EPHA6: variants seen among roughly 807,000 people sequenced by gnomAD.
The protein encoded by EPHA6 is ephrin type-A receptor 6.
EPHA6 carries 50 observed loss-of-function variants against 112.0 expected under a neutral mutation model. The observed-to-expected ratio is 0.45, with a 90% CI of 0.36 to 0.56. EPHA6 has a LOEUF of 0.56. Ranked by LOEUF, EPHA6 falls within the 20% of genes least tolerant of loss-of-function variation. The probability of loss-of-function intolerance (pLI) is 0.00; values close to 1 mark genes in which losing one functional copy is unlikely to be tolerated. For synonymous variants in EPHA6, 529 were observed against 490.7 expected, an observed-to-expected ratio of 1.08 and a Z score of -1.03; for missense variants, 1,280 against 1,417.4, an observed-to-expected ratio of 0.90 and a Z score of 1.56.
At chr3:97,229,768 G>A (rs544084743) in intron 4 of EPHA6, among the ~76,000 whole-genome samples, 1 of 152,160 alleles carries the variant, frequency 6.6e-6, no homozygotes, top group South Asian at 2.1e-4. Flanking sequence ...TAATAAAAAT[G>A]TAATACATTC....
At chr3:97,540,571 TTACC>T (rs2092834688) in intron 11 of EPHA6, among the ~76,000 whole-genome samples, 1 of 152,206 alleles carries the variant, frequency 6.6e-6, no homozygotes, top group Admixed American at 6.5e-5. Flanking sequence ...CTCCCTAGAA[TTACC>T]TCTAACCTAT....
intron 2 of EPHA6, among the ~76,000 whole-genome samples, chr3:96,976,123 G>T (rs1467916335): frequency 6.6e-6 from 1 of 152,114 alleles, no homozygotes; most frequent in Non-Finnish European, 1.5e-5. Context: ...GTATTTCACA[G>T]TTGGATAATA....
At chr3:97,444,220 C>CTTAAAATTA (rs2090245233) in intron 6 of EPHA6, among the ~76,000 whole-genome samples, 1 of 151,672 alleles carries the variant, frequency 6.6e-6, no homozygotes, top group African/African-American at 2.4e-5. Context: ...ACATTTAATC[C>CTTAAAATTA]AATTAATTTA....
Position 97,476,197 on chromosome 3 carries a change from G to A in EPHA6, c.2003+737G>A, listed in dbSNP as rs145395987. The stretch of plus-strand genomic sequence containing the variant: ...TTTCTTATTTAATCCATGGTATTTG[G>A]CCAGGACTTTTTCCAGAAATCACAA... On this transcript the variant is annotated intron_variant, in intron 8 of 17. Transcript: ENST00000389672. 1.8e-3 allele frequency among the ~76,000 whole-genome samples: 275 copies of A among 151,998 alleles called. 1 individual carries two copies. Among genetic ancestry groups the A allele is most frequent in the African/African-American group, 6.1e-3 (251 of 41,450 alleles).
rs369156821 is a variant in EPHA6 at position 96,987,740 on chromosome 3, G to A, written c.861G>A (p.Ala287=). 90 of 1,612,640 alleles carry A rather than the reference G, an allele frequency of 5.6e-5. No individual in the cohort carries two copies. Among genetic ancestry groups the A allele is most frequent in the African/African-American group, 2.7e-4 (20 of 75,014 alleles). Residue 287 remains alanine, a synonymous_variant, in exon 3 of 18, where the codon GCG becomes GCA. Transcript: ENST00000389672. ...ATCTGGCTTTTCAAGACATTGGGGC[G>A]TGCATTGCCCTGGTTTCAGTCCGTG... ...GFYLAFQDIG[A]CIALVSVRVF...
chr3:97,292,266 A>G (rs1187032373), intron 5 of EPHA6, among the ~76,000 whole-genome samples: 1 of 152,242 alleles, frequency 6.6e-6, no homozygotes, highest in Non-Finnish European at 1.5e-5. Flanking sequence ...GGGAGCCCCA[A>G]GGTCTGCGCT....
At chr3:97,683,807 G>T (rs1237298973) in intron 14 of EPHA6, among the ~76,000 whole-genome samples, 2 of 151,992 alleles carry the variant, frequency 1.3e-5, no homozygotes, top group Non-Finnish European at 2.9e-5. Context: ...TGCATTTCTA[G>T]TCATCTCACC....
chr3:97,322,659 A>G (rs897341384), intron 5 of EPHA6, among the ~76,000 whole-genome samples: 1 of 152,038 alleles, frequency 6.6e-6, no homozygotes, highest in Non-Finnish European at 1.5e-5. Flanking sequence ...ATCATGCTAT[A>G]AAAAAACAAG....
Position 97,381,742 on chromosome 3 carries a change from G to A in EPHA6, c.1607-23408G>A, listed in dbSNP as rs905744520. Among the ~76,000 whole-genome samples the A allele has an allele frequency of 4.6e-5, 7 of 152,084 alleles. No individual in the cohort carries two copies. The East Asian group carries it at 1.3e-3, about 29-fold the overall frequency. On this transcript the variant is annotated intron_variant, in intron 5 of 17. Coordinates refer to ENST00000389672, the MANE Select transcript of EPHA6 (RefSeq NM_001080448.3). The stretch of plus-strand genomic sequence containing the variant: ...CAACATTTTGTCATGACTTAAAAAT[G>A]TTAGAGGTATCCTGGAGCATCAAAT...
intron 12 of EPHA6, among the ~76,000 whole-genome samples, chr3:97,603,971 T>C (rs896613532): frequency 6.6e-6 from 1 of 151,830 alleles, no homozygotes; most frequent in African/African-American, 2.4e-5. Flanking sequence ...GTCAGTAAGG[T>C]AGCATATAAT....
chr3:96,978,510 T>G (rs1053283429), intron 2 of EPHA6, among the ~76,000 whole-genome samples: 1 of 152,222 alleles, frequency 6.6e-6, no homozygotes, highest in African/African-American at 2.4e-5. Context: ...CAATCTTGAA[T>G]CTATCTTCTT....
chr3:96,987,276 C>A (rs1480527671), intron 2 of EPHA6, 54 bp from the exon 3 acceptor site: 2 of 1,439,128 alleles, frequency 1.4e-6, no homozygotes, highest in South Asian at 1.4e-5. Flanking sequence ...GTAATCATTT[C>A]TGTTTAATCA....
chr3:97,561,483 A>C (rs1464302161), intron 11 of EPHA6, among the ~76,000 whole-genome samples: 2 of 152,084 alleles, frequency 1.3e-5, no homozygotes, highest in Non-Finnish European at 2.9e-5. Context: ...AGTCTGATGG[A>C]GAGCAAGGCC....
At chr3:97,532,663 C>T (rs550843603) in intron 11 of EPHA6, 120 bp downstream of exon 11, 486 of 799,338 alleles carry the variant, frequency 6.1e-4, no homozygotes, top group Non-Finnish European at 8.5e-4. Flanking sequence ...GTTCAGATAT[C>T]ATCACCCCCT....
At chr3:97,346,518 C>A (rs1559907435) in intron 5 of EPHA6, among the ~76,000 whole-genome samples, 1 of 152,136 alleles carries the variant, frequency 6.6e-6, no homozygotes, top group East Asian at 1.9e-4. Flanking sequence ...ATCCTCAGGA[C>A]TTCCTTCTCT....
At chr3:97,148,633 A>G (rs1169358271) in intron 3 of EPHA6, among the ~76,000 whole-genome samples, 3 of 152,096 alleles carry the variant, frequency 2.0e-5, no homozygotes, top group Non-Finnish European at 4.4e-5. Flanking sequence ...TCTATTTTAT[A>G]TTAAAATTTT....
At chr3:97,022,185 A>G (rs1177870105) in intron 3 of EPHA6, among the ~76,000 whole-genome samples, 1 of 152,212 alleles carries the variant, frequency 6.6e-6, no homozygotes, top group Non-Finnish European at 1.5e-5. Context: ...ATCCTAAAAA[A>G]CAGAACACAA....
intron 3 of EPHA6, among the ~76,000 whole-genome samples, chr3:97,085,946 T>TATATATATATATATATATATATATATAC (rs952418337): frequency 6.9e-6 from 1 of 145,048 alleles, no homozygotes; most frequent in African/African-American, 2.8e-5. Context: ...TATATATATA[T>TATATATATATATATATATATATATATAC]ATACACACTG....
At chr3:97,063,414 A>G (rs980279833) in intron 3 of EPHA6, among the ~76,000 whole-genome samples, 4 of 152,208 alleles carry the variant, frequency 2.6e-5, no homozygotes, top group African/African-American at 9.6e-5. Context: ...ACATGGATGG[A>G]GCTGGAATCC....
Sources: allele counts gnomAD v4.1 joint callset (sites outside exome capture counted in the v4.1 genomes callset), GRCh38; gene constraint gnomAD v4.1.1; transcripts MANE v1.5; gene names NCBI Gene and HGNC (gene_info 2026-07-23, HGNC 2026-07-21).